Variants in ZNF215 observed in about 807,000 individuals in gnomAD.
ZNF215 encodes the protein BWSCR2-associated zinc finger protein 2.
Under a neutral mutation model 27.2 loss-of-function variants are expected in ZNF215, and 24 were observed. The ratio of observed to expected loss-of-function variants is 0.88; its 90% CI spans 0.64 to 1.24. ZNF215 has a LOEUF of 1.24. Among genes scored for constraint, ZNF215 ranks in the 50% most tolerant of loss-of-function variants. ZNF215 has a pLI of 0.00. For missense variants in ZNF215, 675 were observed against 605.7 expected (o/e 1.11, Z -1.20); for synonymous variants, 210 against 204.0 (o/e 1.03, Z -0.25).
At chr11:6,958,388 C>T (rs560467706), downstream of ZNF215, among the ~76,000 whole-genome samples, 1 of 152,262 alleles carries the variant, frequency 6.6e-6, no homozygotes, top group South Asian at 2.1e-4. Context: ...AAGTAAAATA[C>T]TTATTTTTTT....
At chr11:6,992,078 C>T (rs775165162), downstream of ZNF215, among the ~76,000 whole-genome samples, 1 of 152,168 alleles carries the variant, frequency 6.6e-6, no homozygotes, top group Admixed American at 6.5e-5. Context: ...CTTAGGATCC[C>T]TGAGCAACTC....
chr11:6,984,075 A>T, intron 5 of ZNF215: 1 of 394,104 alleles, frequency 2.5e-6, no homozygotes, highest in Non-Finnish European at 4.9e-6. Context: ...TGAAGTGGTA[A>T]AATATTTCAG....
downstream of ZNF215, among the ~76,000 whole-genome samples, chr11:6,987,008 C>A (rs936570966): frequency 6.6e-6 from 1 of 152,068 alleles, no homozygotes; most frequent in Non-Finnish European, 1.5e-5. Context: ...GGTTGAACTA[C>A]CATTTGACCC....
intron 1 of ZNF215, among the ~76,000 whole-genome samples, chr11:6,927,339 C>A (rs187404980): frequency 6.6e-6 from 1 of 152,238 alleles, no homozygotes; most frequent in East Asian, 1.9e-4. Flanking sequence ...GTTTTCTGTT[C>A]CTCTTTATCT....
chr11:6,945,490 A>G (rs1353132707), intron 6 of ZNF215, among the ~76,000 whole-genome samples: 1 of 152,072 alleles, frequency 6.6e-6, no homozygotes, highest in African/African-American at 2.4e-5. Flanking sequence ...CCCTATTTCA[A>G]TTTAGCTCTT....
chr11:6,927,502 A>C (rs552835702), intron 1 of ZNF215, among the ~76,000 whole-genome samples, 160 bp from the exon 2 acceptor site: 1 of 152,310 alleles, frequency 6.6e-6, no homozygotes, highest in East Asian at 1.9e-4. Flanking sequence ...AACTGGTGCC[A>C]CCTGGTTATA....
intron 5 of ZNF215, among the ~76,000 whole-genome samples, chr11:6,970,020 G>T (rs530945219): frequency 6.6e-6 from 1 of 152,220 alleles, no homozygotes; most frequent in South Asian, 2.1e-4. Context: ...GACCTTAAGT[G>T]ACCCGCCTGC....
chr11:6,956,447 C>T lies in ZNF215; in HGVS notation c.1470C>T (p.Phe490=). 1.2e-6 allele frequency: 2 copies of T among 1,614,078 alleles called. No homozygotes were observed. The highest frequency in any genetic ancestry group is 1.7e-5 in the Admixed American group (1 of 60,014). Residue 490 remains phenylalanine, a synonymous_variant, in exon 7 of 7, where the codon TTC becomes TTT. Transcript: ENST00000278319. The stretch of plus-strand genomic sequence containing the variant: ...TGATTCACACGGGAGAGAAACCATT[C>T]AAATGTAAGGAATGTAGTAAAGCCT... ...HQMIHTGEKP[F]KCKECSKAFN... is the part of the protein sequence containing the mutation.
rs745427001 is a variant in ZNF215, at chr11:6,927,731, C to A, written c.-256C>A. 6.6e-6 allele frequency: 1 copy of A among 152,266 alleles called. No individual in the cohort carries two copies. The highest frequency in any genetic ancestry group is 1.5e-5 in the Non-Finnish European group (1 of 68,080). 9.4% of individuals were successfully genotyped at this position (152,266 alleles called of 1,614,324 possible). On this transcript the variant is annotated 5_prime_UTR_variant, in exon 2 of 7. Coordinates refer to ENST00000278319, the MANE Select transcript of ZNF215 (RefSeq NM_013250.4). ...TTGGATCTCTATCATCAAAACTATT[C>A]CACCTCGGAAATCTTACCTAAATGC...
rs756218784 is a variant in ZNF215, at chr11:6,955,736, G to T, written c.759G>T (p.Met253Ile). The change falls in exon 7 of 7, where the codon ATG becomes ATT. Residue 253 changes from methionine to isoleucine, a missense_variant. By Grantham distance (10) the Met-to-Ile change is conservative. Coordinates refer to ENST00000278319, the MANE Select transcript of ZNF215 (RefSeq NM_013250.4). ...SGEESSHGVI[M>I]TRLTESGHPS... ...AAGAATCATCCCATGGAGTGATTAT[G>T]ACAAGGCTTACCGAAAGTGGACACC... 1.2e-6 allele frequency: 2 copies of T among 1,600,860 alleles called. No individual in the cohort carries two copies.
intron 3 of ZNF215, among the ~76,000 whole-genome samples, chr11:6,935,539 A>G (rs1849405800): frequency 2.0e-5 from 3 of 152,366 alleles, no homozygotes; most frequent in Middle Eastern, 3.4e-3. Context: ...CTAAATGAGC[A>G]ATAACTACAA....
At chr11:6,961,456 T>C (rs958871210), downstream of ZNF215, among the ~76,000 whole-genome samples, 3 of 152,100 alleles carry the variant, frequency 2.0e-5, no homozygotes, top group African/African-American at 7.2e-5. Context: ...GCAAGAGAGA[T>C]TCAAAAGAAT....
chr11:6,969,283 G>A (rs1850678036), intron 5 of ZNF215, among the ~76,000 whole-genome samples: 1 of 152,008 alleles, frequency 6.6e-6, no homozygotes, highest in Non-Finnish European at 1.5e-5. Flanking sequence ...GTCACTTTAA[G>A]TCCATTGCAA....
chr11:6,935,837 T>C (rs1163558423), intron 3 of ZNF215, among the ~76,000 whole-genome samples: 1 of 152,134 alleles, frequency 6.6e-6, no homozygotes, highest in Non-Finnish European at 1.5e-5. Flanking sequence ...TTTAAGTAGA[T>C]TGACATCTCA....
chr11:6,950,672 C>T (rs891874909), intron 6 of ZNF215, among the ~76,000 whole-genome samples: 52 of 151,136 alleles, frequency 3.4e-4, no homozygotes, highest in African/African-American at 1.2e-3. Flanking sequence ...ATCATGTCAT[C>T]TGCAAACAGG....
At chr11:6,990,303 T>C (rs1851102701), downstream of ZNF215, among the ~76,000 whole-genome samples, 1 of 152,026 alleles carries the variant, frequency 6.6e-6, no homozygotes, top group Non-Finnish European at 1.5e-5. Flanking sequence ...TTAACAATGG[T>C]GAAGGGAAAT....
At chr11:6,938,853 G>A (rs1849531835) in intron 3 of ZNF215, among the ~76,000 whole-genome samples, 1 of 152,094 alleles carries the variant, frequency 6.6e-6, no homozygotes, top group Non-Finnish European at 1.5e-5. Context: ...AAAACCACTG[G>A]ATTGTATTCT....
chr11:6,934,680 G>T (rs139061709), intron 3 of ZNF215, among the ~76,000 whole-genome samples: 15 of 152,262 alleles, frequency 9.9e-5, no homozygotes, highest in African/African-American at 2.4e-4. Flanking sequence ...ACTGGAAAAG[G>T]TTCCTCACTT....
At chr11:6,982,614 C>T (rs1453950044) in intron 5 of ZNF215, among the ~76,000 whole-genome samples, 1 of 151,984 alleles carries the variant, frequency 6.6e-6, no homozygotes, top group African/African-American at 2.4e-5. Context: ...CACTCAAAAC[C>T]ACTCAACTAC....
Sources: gnomAD v4.1 joint callset for allele counts (sites outside exome capture counted in the v4.1 genomes callset) on GRCh38, gnomAD v4.1.1 for gene constraint, MANE v1.5 for transcripts, NCBI Gene and HGNC (gene_info 2026-07-23, HGNC 2026-07-21) for gene names.